The following SMAD4 variants were observed in gnomAD, a reference collection of about 807,000 sequenced individuals.
SMAD4 encodes SMAD family member 4.
A neutral mutation model predicts 63.2 loss-of-function variants in SMAD4; 7 were observed. The ratio of observed to expected loss-of-function variants is 0.11; its 90% CI spans 0.06 to 0.21. The LOEUF (loss-of-function observed/expected upper bound fraction) is 0.21. Ranked by LOEUF, SMAD4 falls within the 10% of genes least tolerant of loss-of-function variation. The pLI is 1.00. For synonymous variants in SMAD4, 215 were observed against 235.4 expected, an observed-to-expected ratio of 0.91 and a Z score of 0.79; for missense variants, 312 against 693.8, an observed-to-expected ratio of 0.45 and a Z score of 6.18.
At chr18:51,039,488 CA>C (rs1909308892) in intron 1 of SMAD4, among the ~76,000 whole-genome samples, 25 of 105,012 alleles carry the variant, frequency 2.4e-4, no homozygotes, top group African/African-American at 5.2e-4. Context: ...TTCCCCCCCC[CA>C]CCCCCCCACC....
Position 51,062,807 on chromosome 18 carries a change from G to GTGATGAATAC in SMAD4, c.956-2615_956-2606dup, listed in dbSNP as rs1461663498. On this transcript the variant is annotated intron_variant, in intron 8 of 11. Transcript: ENST00000342988. Reference sequence around the variant, plus strand: ...AGCCACCATGCCTGGCCCTTTTAAAGTGATGAATACATCCCTAAACAGTCT... The same window carrying GTGATGAATAC: ...AGCCACCATGCCTGGCCCTTTTAAAGTGATGAATACTGATGAATACATCCCTAAACAGTCT... Among the ~76,000 whole-genome samples the GTGATGAATAC allele has an allele frequency of 4.1e-5, 6 of 144,682 alleles. No homozygotes were observed. The Admixed American group carries it at 4.1e-4, about 10-fold the overall frequency. The allele number at this position is 144,682 out of a possible 152,430, so 94.9% of individuals were successfully genotyped here.
At chr18:51,043,808 G>A (rs1253705777) in intron 1 of SMAD4, among the ~76,000 whole-genome samples, 1 of 152,164 alleles carries the variant, frequency 6.6e-6, no homozygotes, top group Non-Finnish European at 1.5e-5. Context: ...TTGCATTGTA[G>A]ATTCATACAC....
At chr18:51,045,908 C>G (rs1182827819) in intron 1 of SMAD4, among the ~76,000 whole-genome samples, 1 of 152,092 alleles carries the variant, frequency 6.6e-6, no homozygotes, top group African/African-American at 2.4e-5. Context: ...TTGTCACTGA[C>G]TTCTTTCACT....
intron 8 of SMAD4, among the ~76,000 whole-genome samples, chr18:51,063,072 T>C (rs966886010): frequency 6.6e-6 from 1 of 151,696 alleles, no homozygotes; most frequent in East Asian, 1.9e-4. Context: ...CAGGCTGGTC[T>C]CGAACTCCTG....
chr18:51,079,103 A>G lies in SMAD4; in HGVS notation c.*636A>G. ...AGTTTTATTTTTGCCAAGGCAAAAA[A>G]CTCTTAATCTGTGTGTATATTGAGA... is the stretch of plus-strand genomic sequence containing the variant. On this transcript the variant is annotated 3_prime_UTR_variant, in exon 12 of 12. Transcript: ENST00000342988. The G allele has an allele frequency of 4.3e-6, 1 of 233,052 alleles. No individual in the cohort carries two copies. The highest frequency in any genetic ancestry group is 6.1e-5 in the East Asian group (1 of 16,456). The allele number at this position is 233,052 out of a possible 1,614,324, so 14.4% of individuals were successfully genotyped here.
chr18:51,046,898 C>CTTT, intron 1 of SMAD4, 22 bp from the exon 2 acceptor site: 5 of 540,546 alleles, frequency 9.2e-6, no homozygotes, highest in Non-Finnish European at 1.3e-5. Flanking sequence ...TGATGTGTGT[C>CTTT]TTTTTTTTTT....
intron 1 of SMAD4, among the ~76,000 whole-genome samples, chr18:51,040,184 T>TG (rs1159725606): frequency 6.6e-6 from 1 of 152,162 alleles, no homozygotes; most frequent in Non-Finnish European, 1.5e-5. Context: ...TCCAGCACTT[T>TG]GGGAGGCCAA....
In SMAD4 at chr18:51,078,451, C is replaced by T; in HGVS notation, c.1643C>T (p.Pro548Leu). The change falls in exon 12 of 12, where the codon CCA becomes CTA. Residue 548 changes from proline to leucine, a missense_variant. Physicochemically the swap from Pro to Leu is moderately conservative, Grantham distance 98 (BLOSUM62 -3). Transcript: ENST00000342988. ...CTTCATACCATGCCGATTGCAGACC[C>T]ACAACCTTTAGACTGAGGTCTTTTA... Reference protein sequence around the residue: ...EVLHTMPIADPQPLD With the variant: ...EVLHTMPIADLQPLD 1.2e-6 allele frequency: 2 copies of T among 1,613,820 alleles called. No individual in the cohort carries two copies. The highest frequency in any genetic ancestry group is 1.7e-6 in the Non-Finnish European group (2 of 1,179,710).
Position 51,063,010 on chromosome 18 carries a change from C to T in SMAD4, c.956-2413C>T, listed in dbSNP as rs530183522. 8.6e-5 allele frequency among the ~76,000 whole-genome samples: 13 copies of T among 151,328 alleles called. No homozygotes were observed. In the East Asian group the frequency reaches 2.0e-3, roughly 23 times the overall value. ...CTGGGACTATAGGCGCCCGCCACCA[C>T]GCCCGGCTAATTTTTGTATTTTTAG... On this transcript the variant is annotated intron_variant, in intron 8 of 11. Coordinates refer to ENST00000342988, the MANE Select transcript of SMAD4 (RefSeq NM_005359.6).
At chr18:51,048,919 T>A (rs2144406674) in intron 3 of SMAD4, 59 bp downstream of exon 3, 10 of 1,454,370 alleles carry the variant, frequency 6.9e-6, no homozygotes, top group Non-Finnish European at 9.6e-6. Flanking sequence ...TCAATAGTGT[T>A]TCAATTTTTG....
intron 10 of SMAD4, among the ~76,000 whole-genome samples, chr18:51,071,683 T>G (rs1196001521): frequency 6.6e-6 from 1 of 152,210 alleles, no homozygotes; most frequent in Admixed American, 6.5e-5. Flanking sequence ...TGATTGTTAG[T>G]ATATTCACAA....
At chr18:51,048,641 C>T (rs2144404819) in intron 2 of SMAD4, 45 bp from the exon 3 acceptor site, 1 of 1,537,980 alleles carries the variant, frequency 6.5e-7, no homozygotes, top group South Asian at 1.1e-5. Context: ...ATAAAAGTGT[C>T]TTGCATAATG....
chr18:51,075,996 A>G (rs1158648763), intron 10 of SMAD4, among the ~76,000 whole-genome samples: 1 of 152,218 alleles, frequency 6.6e-6, no homozygotes, highest in African/African-American at 2.4e-5. Context: ...TTACAAACAA[A>G]GAAATGTAGA....
At chr18:51,072,445 T>C (rs953673443) in intron 10 of SMAD4, among the ~76,000 whole-genome samples, 3 of 152,234 alleles carry the variant, frequency 2.0e-5, no homozygotes, top group African/African-American at 7.2e-5. Flanking sequence ...ATTATGAACC[T>C]CATTTAAATT....
intron 10 of SMAD4, among the ~76,000 whole-genome samples, chr18:51,070,123 A>G (rs1300462994): frequency 6.6e-6 from 1 of 152,196 alleles, no homozygotes; most frequent in Non-Finnish European, 1.5e-5. Flanking sequence ...TATTTATGTA[A>G]TTTAAAGTGA....
chr18:51,061,047 T>C (rs1909998237), intron 8 of SMAD4, among the ~76,000 whole-genome samples: 1 of 151,614 alleles, frequency 6.6e-6, no homozygotes, highest in Admixed American at 6.6e-5. Flanking sequence ...CTTGAAAAAT[T>C]AAAAAAATAT....
chr18:51,036,378 G>A (rs1224045622), intron 1 of SMAD4, among the ~76,000 whole-genome samples: 1 of 152,160 alleles, frequency 6.6e-6, no homozygotes, highest in East Asian at 1.9e-4. Context: ...ATTCACTAGT[G>A]AATTCTAGAG....
intron 1 of SMAD4, among the ~76,000 whole-genome samples, chr18:51,033,472 G>C (rs984459631): frequency 1.3e-5 from 2 of 152,220 alleles, no homozygotes; most frequent in African/African-American, 4.8e-5. Flanking sequence ...TTACAGGCGT[G>C]AGCCACTGCG....
rs1214434120 is a variant in SMAD4 at position 51,064,104 on chromosome 18, TTTGTTGAAAGTAAGA to T, written c.956-1307_956-1293del. ...TTTCTTTTTTGTCATTCTAAGTAAC[TTTGTTGAAAGTAAGA>T]TTGTTGAAAGTTTTATTGCTTCAAA... is the stretch of plus-strand genomic sequence containing the variant. On this transcript the variant is annotated intron_variant, in intron 8 of 11. Transcript: ENST00000342988. 1.1e-3 allele frequency among the ~76,000 whole-genome samples: 165 copies of T among 152,290 alleles called. 1 individual carries two copies. Among genetic ancestry groups the T allele is most frequent in the African/African-American group, 3.5e-3 (146 of 41,568 alleles).
Sources: gnomAD v4.1 joint callset for allele counts (sites outside exome capture counted in the v4.1 genomes callset) on GRCh38, gnomAD v4.1.1 for gene constraint, MANE v1.5 for transcripts, NCBI Gene and HGNC (gene_info 2026-07-23, HGNC 2026-07-21) for gene names.